CCBE1: variants seen among roughly 807,000 people sequenced by gnomAD.
The protein encoded by CCBE1 is collagen and calcium-binding EGF domain-containing protein 1.
CCBE1 carries 37 observed loss-of-function variants against 50.0 expected under a neutral mutation model. The observed-to-expected ratio is 0.74, with a 90% CI of 0.57 to 0.97. The LOEUF (loss-of-function observed/expected upper bound fraction) is 0.97, where lower values mean the gene tolerates loss of function less well. Among genes scored for constraint, CCBE1 ranks in the 50% least tolerant of loss-of-function variants. CCBE1 has a pLI of 0.00. For missense variants in CCBE1, 538 were observed against 523.8 expected (o/e 1.03, Z -0.26); for synonymous variants, 234 against 203.7 (o/e 1.15, Z -1.27).
intron 2 of CCBE1, among the ~76,000 whole-genome samples, chr18:59,647,168 A>C (rs9957581): frequency 0.033 from 5,034 of 152,270 alleles, 228 homozygotes; most frequent in African/African-American, 0.1. Context: ...TTCATTTCTG[A>C]CTAAAAATAC....
intron 2 of CCBE1, among the ~76,000 whole-genome samples, chr18:59,519,021 T>C (rs939298198): frequency 1.3e-5 from 2 of 152,206 alleles, no homozygotes; most frequent in South Asian, 2.1e-4. Flanking sequence ...CTGCCTTGTC[T>C]CACTTTCCCC....
At chr18:59,470,442 A>T (rs1380900154) in intron 3 of CCBE1, among the ~76,000 whole-genome samples, 1 of 152,146 alleles carries the variant, frequency 6.6e-6, no homozygotes, top group African/African-American at 2.4e-5. Context: ...TCACTTTGTA[A>T]TAGAAATGTG....
At chr18:59,442,657 G>A (rs956657953) in intron 7 of CCBE1, among the ~76,000 whole-genome samples, 6 of 152,050 alleles carry the variant, frequency 3.9e-5, no homozygotes, top group African/African-American at 1.2e-4. Context: ...GAACCTGGGA[G>A]GCAGAGATTG....
chr18:59,458,121 AATCCATCC>A (rs72142081), intron 5 of CCBE1, among the ~76,000 whole-genome samples: 12 of 150,950 alleles, frequency 7.9e-5, no homozygotes, highest in African/African-American at 2.0e-4. Context: ...TCTGTCCATC[AATCCATCC>A]ATCCATCCAT....
chr18:59,612,978 C>T lies in CCBE1; in HGVS notation c.212+83651G>A, dbSNP rs919519500. 2.6e-5 allele frequency among the ~76,000 whole-genome samples: 4 copies of T among 151,962 alleles called. No individual in the cohort carries two copies. In the East Asian group the frequency reaches 5.8e-4, roughly 22 times the overall value. ...AGTATTAGAGACTGTGAAGAGAGGG[C>T]ATATCATTAAGTGCTAAATTGCAAG... On this transcript the variant is annotated intron_variant, in intron 2 of 10. Transcript: ENST00000439986.
At chr18:59,685,717 A>G (rs1309603584) in intron 2 of CCBE1, 1 of 152,240 alleles carries the variant, frequency 6.6e-6, no homozygotes, top group Non-Finnish European at 1.5e-5. Context: ...ACCTCCTCGG[A>G]TGATTTCTAT....
At chr18:59,469,875 A>G (rs1911945854) in intron 3 of CCBE1, among the ~76,000 whole-genome samples, 1 of 152,304 alleles carries the variant, frequency 6.6e-6, no homozygotes, top group Admixed American at 6.5e-5. Context: ...TCCAGAGAGA[A>G]AAGACTCTTA....
At chr18:59,530,935 TC>T (rs778409767) in intron 2 of CCBE1, among the ~76,000 whole-genome samples, 1 of 152,260 alleles carries the variant, frequency 6.6e-6, no homozygotes, top group Non-Finnish European at 1.5e-5. Context: ...TGATGTTTTT[TC>T]AAATATAATA....
intron 2 of CCBE1, among the ~76,000 whole-genome samples, chr18:59,673,888 C>T (rs1287123662): frequency 2.0e-5 from 3 of 152,280 alleles, no homozygotes; most frequent in Middle Eastern, 3.4e-3. Context: ...ATCAGGGATA[C>T]TGGCCTTAAA....
intron 7 of CCBE1, among the ~76,000 whole-genome samples, chr18:59,442,354 T>G (rs1910471547): frequency 6.6e-6 from 1 of 152,218 alleles, no homozygotes; most frequent in African/African-American, 2.4e-5. Context: ...GTATAATGTG[T>G]GTGTTTATAT....
At chr18:59,655,374 A>G (rs7243833) in intron 2 of CCBE1, among the ~76,000 whole-genome samples, 97,191 of 151,984 alleles carry the variant, frequency 0.64, 31,239 homozygotes, top group Middle Eastern at 0.7. Flanking sequence ...CAATGTCAGG[A>G]AAGGGTCCAG....
intron 2 of CCBE1, among the ~76,000 whole-genome samples, chr18:59,557,272 TG>T: frequency 6.6e-6 from 1 of 152,174 alleles, no homozygotes. Context: ...TTTTCCCCAC[TG>T]TGAGTTCATC....
intron 4 of CCBE1, among the ~76,000 whole-genome samples, chr18:59,468,571 G>A (rs1162569389): frequency 6.6e-6 from 1 of 152,110 alleles, no homozygotes; most frequent in East Asian, 1.9e-4. Flanking sequence ...ATTCCCAAAT[G>A]CCGACAGGGA....
In CCBE1 at chr18:59,431,662, G is replaced by C. The variant is rs886054040; in HGVS notation, c.*4246C>G. The C allele has an allele frequency of 6.6e-6, 1 of 152,268 alleles. No homozygotes were observed. The highest frequency in any genetic ancestry group is 1.5e-5 in the Non-Finnish European group (1 of 68,058). The allele number at this position is 152,268 out of a possible 1,614,324, so 9.4% of individuals were successfully genotyped here. On this transcript the variant is annotated 3_prime_UTR_variant, in exon 11 of 11. Transcript: ENST00000439986. Reference sequence around the variant, plus strand: ...AACCTTGGAAAGATGGCCAAAGCCAGGGTGCTCTTCGCTGGTATTTGGTGG... The same window carrying C: ...AACCTTGGAAAGATGGCCAAAGCCACGGTGCTCTTCGCTGGTATTTGGTGG...
At chr18:59,522,923 C>T (rs8097256) in intron 2 of CCBE1, among the ~76,000 whole-genome samples, 2,984 of 140,332 alleles carry the variant, frequency 0.021, 96 homozygotes, top group African/African-American at 0.074. Context: ...ACCCAGGAGG[C>T]GGAGCTTGCA....
chr18:59,456,091 C>G (rs768869817), intron 5 of CCBE1, among the ~76,000 whole-genome samples: 2 of 152,178 alleles, frequency 1.3e-5, no homozygotes. Context: ...GAAGCCTGCT[C>G]TCTACCCACG....
At chr18:59,552,829 G>A (rs1397816072) in intron 2 of CCBE1, among the ~76,000 whole-genome samples, 1 of 152,158 alleles carries the variant, frequency 6.6e-6, no homozygotes, top group Admixed American at 6.5e-5. Flanking sequence ...TTATGTCTTT[G>A]AAATGAATGT....
chr18:59,678,761 G>A (rs966980658), intron 2 of CCBE1, among the ~76,000 whole-genome samples: 3 of 152,082 alleles, frequency 2.0e-5, no homozygotes, highest in Non-Finnish European at 2.9e-5. Context: ...TCAAATTCCC[G>A]ACCTCAAGTG....
At chr18:59,493,442 A>G (rs991226306) in intron 2 of CCBE1, among the ~76,000 whole-genome samples, 1 of 152,224 alleles carries the variant, frequency 6.6e-6, no homozygotes, top group African/African-American at 2.4e-5. Flanking sequence ...AAAAATTTCT[A>G]TTCCGATCAG....
Sources: gnomAD v4.1 joint callset for allele counts (sites outside exome capture counted in the v4.1 genomes callset) on GRCh38, gnomAD v4.1.1 for gene constraint, MANE v1.5 for transcripts, NCBI Gene and HGNC (gene_info 2026-07-23, HGNC 2026-07-21) for gene names.